The following PCDHGB4 variants were observed in gnomAD, a reference collection of about 807,000 sequenced individuals.
The protein encoded by PCDHGB4 is protocadherin gamma-B4.
PCDHGB4 carries 38 observed loss-of-function variants against 60.5 expected under a neutral mutation model. The observed-to-expected ratio is 0.63, with a 90% CI of 0.48 to 0.82. The LOEUF is 0.82. PCDHGB4 is among the 40% of genes least tolerant of loss of function. PCDHGB4 has a pLI of 0.00. For synonymous variants in PCDHGB4, 456 were observed against 509.7 expected (o/e 0.89, Z 1.42); for missense variants, 1,109 against 1,209.6 (o/e 0.92, Z 1.23).
rs962326553 is a variant in PCDHGB4 at position 141,387,971 on chromosome 5, C to T, written c.87C>T (p.Leu29=). 1.0e-5 allele frequency: 15 copies of T among 1,489,894 alleles called. 1 individual carries two copies. Among genetic ancestry groups the T allele is most frequent in the Non-Finnish European group, 1.3e-5 (14 of 1,108,812 alleles). The allele number at this position is 1,489,894 out of a possible 1,614,324, so 92.3% of individuals were successfully genotyped here. ...LFLLSLFCPA[L]CEQIRYRIPE... ...TGCTGTCTTTGTTCTGCCCGGCGCT[C>T]TGTGAGCAGATCCGCTACAGGATTC... Residue 29 remains leucine, a synonymous_variant, in exon 1 of 4, where the codon CTC becomes CTT. Transcript: ENST00000519479.
intron 1 of PCDHGB4, chr5:141,415,749 T>C: frequency 8.2e-7 from 1 of 1,214,000 alleles, no homozygotes; most frequent in Non-Finnish European, 1.1e-6. Flanking sequence ...GGTTTTTTTT[T>C]TTTTTTTTTT....
chr5:141,424,697 T>C (rs1467404367), intron 1 of PCDHGB4: 4 of 152,342 alleles, frequency 2.6e-5, no homozygotes, highest in South Asian at 4.1e-4. Context: ...GGCTATTTTT[T>C]TGTTCATTTT....
intron 1 of PCDHGB4, chr5:141,399,810 C>T (rs148150333): frequency 3.9e-5 from 63 of 1,613,194 alleles, no homozygotes; most frequent in Non-Finnish European, 4.9e-5. Flanking sequence ...TGCTGTACCC[C>T]GCGCTGGGTC....
chr5:141,400,194 G>T (rs2093978875), intron 1 of PCDHGB4: 2 of 1,614,034 alleles, frequency 1.2e-6, no homozygotes, highest in Non-Finnish European at 1.7e-6. Flanking sequence ...TTTACCTAGT[G>T]GTGGCCTTGG....
intron 1 of PCDHGB4, among the ~76,000 whole-genome samples, chr5:141,430,322 C>G (rs1266324669): frequency 6.7e-6 from 1 of 150,364 alleles, no homozygotes; most frequent in Non-Finnish European, 1.5e-5. Flanking sequence ...AGATTAAAAT[C>G]ATTGTTTATA....
chr5:141,448,704 G>A (rs1272148301), intron 1 of PCDHGB4, among the ~76,000 whole-genome samples: 1 of 152,134 alleles, frequency 6.6e-6, no homozygotes. Flanking sequence ...ACTTTGGGAG[G>A]CCGAGGCGGG....
chr5:141,477,268 C>T lies in PCDHGB4; in HGVS notation c.2398-17539C>T. ...TGACTGACCTGGATGCTGGCGAGAA[C>T]GGGCTGGTGACCTGCGAAGTTCCAC... On this transcript the variant is annotated intron_variant, in intron 1 of 3. Transcript: ENST00000519479. The surrounding 1 kb of genome is among the most constrained non-coding windows in gnomAD (Gnocchi z 4.9). The T allele has an allele frequency of 6.2e-7, 1 of 1,614,196 alleles. No individual in the cohort carries two copies. The highest frequency in any genetic ancestry group is 8.5e-7 in the Non-Finnish European group (1 of 1,180,030).
In PCDHGB4 at chr5:141,491,737, G is replaced by A; in HGVS notation, c.2398-3070G>A. The A allele has an allele frequency of 6.2e-7, 1 of 1,600,586 alleles. No homozygotes were observed. Among genetic ancestry groups the A allele is most frequent in the Non-Finnish European group, 8.5e-7 (1 of 1,174,266 alleles). On this transcript the variant is annotated intron_variant, in intron 1 of 3. Coordinates refer to ENST00000519479, the MANE Select transcript of PCDHGB4 (RefSeq NM_003736.4). This position sits in a 1 kb window ranked among gnomAD's most constrained non-coding sequence, Gnocchi z 6.9. ...GGCGCCGCCCCGGGCGACCCCTGGG[G>A]GCGGCACTGGAGAAGCCGCCCGTCC...
At chr5:141,414,498 C>T (rs2095755127) in intron 1 of PCDHGB4, 1 of 1,613,848 alleles carries the variant, frequency 6.2e-7, no homozygotes, top group African/African-American at 1.3e-5. Flanking sequence ...CGGAAGCTCA[C>T]TTTATGCTAC....
chr5:141,427,429 G>A (rs2097025761), intron 1 of PCDHGB4: 1 of 471,078 alleles, frequency 2.1e-6, no homozygotes, highest in African/African-American at 2.0e-5. Flanking sequence ...GAGGTTACAT[G>A]CCTCATAAAC....
intron 1 of PCDHGB4, chr5:141,419,579 C>A: frequency 6.2e-7 from 1 of 1,611,812 alleles, no homozygotes; most frequent in Non-Finnish European, 8.5e-7. Flanking sequence ...CGGCTCCGCG[C>A]TCTTCGACAC....
At position 141,489,258 on chromosome 5, in the gene PCDHGB4, C is replaced by T. The variant is rs1594800449; in HGVS notation, c.2398-5549C>T. 3.2e-6 allele frequency: 5 copies of T among 1,551,530 alleles called. No individual in the cohort carries two copies. Among genetic ancestry groups the T allele is most frequent in the African/African-American group, 1.4e-5 (1 of 73,276 alleles). On this transcript the variant is annotated intron_variant, in intron 1 of 3. Coordinates refer to ENST00000519479, the MANE Select transcript of PCDHGB4 (RefSeq NM_003736.4). This position sits in a 1 kb window ranked among gnomAD's most constrained non-coding sequence, Gnocchi z 4.5. Reference sequence around the variant, plus strand: ...TCTGGGTCATGGGGCCCAAGACACTCCCACAGCTCGCTGGGAAATGGCAAG... The same window carrying T: ...TCTGGGTCATGGGGCCCAAGACACTTCCACAGCTCGCTGGGAAATGGCAAG...
rs1561863226 is a variant in PCDHGB4, at chr5:141,432,653, C to T, written c.2397+42372C>T. On this transcript the variant is annotated intron_variant, in intron 1 of 3. Transcript: ENST00000519479. The surrounding 1 kb of genome is among the most constrained non-coding windows in gnomAD (Gnocchi z 6.0). Reference sequence around the variant, plus strand: ...GGGCGAGGTGCGCACGGCGCGAGCCCTGCTGGACAGAGACGCGCTCAAGCA... The same window carrying T: ...GGGCGAGGTGCGCACGGCGCGAGCCTTGCTGGACAGAGACGCGCTCAAGCA... 5 of 1,613,852 alleles carry T rather than the reference C, an allele frequency of 3.1e-6. No individual in the cohort carries two copies. In the South Asian group the frequency reaches 4.4e-5, roughly 14 times the overall value.
rs776348214 is a variant in PCDHGB4 at position 141,487,781 on chromosome 5, G to A, written c.2398-7026G>A. 108 of 1,526,850 alleles carry A rather than the reference G, an allele frequency of 7.1e-5. No individual in the cohort carries two copies. Among genetic ancestry groups the A allele is most frequent in the East Asian group, 3.7e-4 (15 of 40,622 alleles). 94.6% of individuals were successfully genotyped at this position (1,526,850 alleles called of 1,614,324 possible). On this transcript the variant is annotated intron_variant, in intron 1 of 3. Coordinates refer to ENST00000519479, the MANE Select transcript of PCDHGB4 (RefSeq NM_003736.4). This position sits in a 1 kb window ranked among gnomAD's most constrained non-coding sequence, Gnocchi z 5.0. ...AGACGCTGTGCTTTGTAACTGTTTC[G>A]TGAATTAACCAGAGTTGTCACAGTT... is the stretch of plus-strand genomic sequence containing the variant.
intron 1 of PCDHGB4, among the ~76,000 whole-genome samples, chr5:141,472,243 T>A (rs1276064128): frequency 6.6e-6 from 1 of 152,190 alleles, no homozygotes; most frequent in East Asian, 1.9e-4. Context: ...TCACTTTCTA[T>A]TTTAAAGTTA....
chr5:141,395,093 C>T (rs1372671941), intron 1 of PCDHGB4: 1 of 1,614,158 alleles, frequency 6.2e-7, no homozygotes, highest in Non-Finnish European at 8.5e-7. Flanking sequence ...TCTCCCTCAC[C>T]GCCGACTCGC....
At position 141,425,713 on chromosome 5, in the gene PCDHGB4, C is replaced by T. The variant is rs191037499; in HGVS notation, c.2397+35432C>T. 3.9e-4 allele frequency among the ~76,000 whole-genome samples: 60 copies of T among 152,312 alleles called. No homozygotes were observed. In the East Asian group the frequency reaches 6.7e-3, roughly 17 times the overall value. On this transcript the variant is annotated intron_variant, in intron 1 of 3. Transcript: ENST00000519479. ...CATTTCATAGTGGTCAAAATTTTCC[C>T]ATACCACTTGATGGGGATGTTTTCC...
At chr5:141,480,240 C>CA (rs11374694) in intron 1 of PCDHGB4, among the ~76,000 whole-genome samples, 21,591 of 113,808 alleles carry the variant, frequency 0.19, 1,578 homozygotes, top group Admixed American at 0.21. Context: ...CCTGTCTCTA[C>CA]AAAAAAAAAA....
chr5:141,440,563 T>C (rs1048420758), intron 1 of PCDHGB4: 3 of 152,250 alleles, frequency 2.0e-5, no homozygotes, highest in Admixed American at 6.5e-5. Flanking sequence ...TTAAGTTACG[T>C]ATCTCTGAGT....
Sources: allele counts gnomAD v4.1 joint callset (sites outside exome capture counted in the v4.1 genomes callset), GRCh38; gene constraint gnomAD v4.1.1; non-coding constraint Gnocchi (gnomAD v3.1); transcripts MANE v1.5; gene names NCBI Gene and HGNC (gene_info 2026-07-23, HGNC 2026-07-21).